DNAAF4: variants seen among roughly 807,000 people sequenced by gnomAD.
The protein encoded by DNAAF4 is dynein axonemal assembly factor 4.
DNAAF4 carries 43 observed loss-of-function variants against 51.8 expected under a neutral mutation model. The observed-to-expected ratio is 0.83, with a 90% CI of 0.65 to 1.07. The LOEUF is 1.07. Among genes scored for constraint, DNAAF4 ranks in the 50% least tolerant of loss-of-function variants. The pLI is 0.00. For missense variants in DNAAF4, 581 were observed against 493.0 expected (o/e 1.18, Z -1.69); for synonymous variants, 194 against 165.6 (o/e 1.17, Z -1.32).
chr15:55,466,722 C>G (rs2058175977), intron 5 of DNAAF4, among the ~76,000 whole-genome samples: 1 of 152,152 alleles, frequency 6.6e-6, no homozygotes, highest in African/African-American at 2.4e-5. Context: ...CTTTTCGAAT[C>G]CTTGAACGAA....
intron 5 of DNAAF4, among the ~76,000 whole-genome samples, chr15:55,455,387 AATAT>A (rs10688653): frequency 0.26 from 33,253 of 127,294 alleles, 4,946 homozygotes; most frequent in Non-Finnish European, 0.34. Flanking sequence ...TAGCAAATTG[AATAT>A]ATATATATAT....
chr15:55,473,899 G>A (rs1017458287), intron 4 of DNAAF4, among the ~76,000 whole-genome samples: 1 of 152,050 alleles, frequency 6.6e-6, no homozygotes, highest in Non-Finnish European at 1.5e-5. Flanking sequence ...AGCTGAGGCA[G>A]GAGAATCTCT....
intron 8 of DNAAF4, among the ~76,000 whole-genome samples, chr15:55,433,986 A>ATTATATG (rs1567000754): frequency 1.8e-5 from 1 of 55,032 alleles, no homozygotes; most frequent in African/African-American, 6.3e-5. Context: ...TATTATATAT[A>ATTATATG]ATATATATAA....
chr15:55,482,616 T>C (rs1595941670), intron 4 of DNAAF4, among the ~76,000 whole-genome samples: 1 of 150,710 alleles, frequency 6.6e-6, no homozygotes. Context: ...GAAGGAGAGG[T>C]TGCAGTGAGC....
At position 55,491,322 on chromosome 15, in the gene DNAAF4, C is replaced by T. The variant is rs138463395; in HGVS notation, c.272-66G>A. Reference sequence around the variant, plus strand: ...ATTTGCTTTACTTATGAGAAAACTACTTAAATAAACTGACCCAGGATGAGA... The same window carrying T: ...ATTTGCTTTACTTATGAGAAAACTATTTAAATAAACTGACCCAGGATGAGA... On this transcript the variant is annotated intron_variant, in intron 3 of 9. Coordinates refer to ENST00000321149, the MANE Select transcript of DNAAF4 (RefSeq NM_130810.4). 1,320 of 1,472,752 alleles carry T rather than the reference C, an allele frequency of 9.0e-4. 14 individuals are homozygous for T. The African/African-American group carries it at 0.017, about 19-fold the overall frequency. 91.2% of individuals were successfully genotyped at this position (1,472,752 alleles called of 1,614,324 possible).
rs111877169 is a variant in DNAAF4 at position 55,452,275 on chromosome 15, A to G, written c.638-1908T>C. ...AAAAAAAAAAAAAAAAAAAAGGAAA[A>G]GGAAAAAAAGAAGGAAAATAGAATA... is the stretch of plus-strand genomic sequence containing the variant. On this transcript the variant is annotated intron_variant, in intron 5 of 9. Coordinates refer to ENST00000321149, the MANE Select transcript of DNAAF4 (RefSeq NM_130810.4). Among the ~76,000 whole-genome samples the G allele has an allele frequency of 6.8e-3, 1,006 of 148,534 alleles. 12 individuals carry two copies. The highest frequency in any genetic ancestry group is 0.024 in the African/African-American group (972 of 40,382).
At chr15:55,454,821 C>G (rs959325767) in intron 5 of DNAAF4, among the ~76,000 whole-genome samples, 1 of 151,566 alleles carries the variant, frequency 6.6e-6, no homozygotes, top group Non-Finnish European at 1.5e-5. Flanking sequence ...ACTAATGAAC[C>G]CATAATATAC....
chr15:55,423,140 G>T (rs1328833172), intron 7 of DNAAF4, among the ~76,000 whole-genome samples: 1 of 150,770 alleles, frequency 6.6e-6, no homozygotes, highest in Non-Finnish European at 1.5e-5. Context: ...ACAGATAAAT[G>T]GGGCAATAGC....
intron 4 of DNAAF4, among the ~76,000 whole-genome samples, chr15:55,478,983 C>A (rs2058372491): frequency 6.6e-6 from 1 of 152,014 alleles, no homozygotes; most frequent in African/African-American, 2.4e-5. Flanking sequence ...CAGACTGCAT[C>A]ATTTAGAAAA....
intron 5 of DNAAF4, among the ~76,000 whole-genome samples, chr15:55,463,172 TCACA>T (rs3221985): frequency 0.031 from 4,410 of 140,346 alleles, 91 homozygotes; most frequent in Middle Eastern, 0.06. Context: ...AGACTCTGTC[TCACA>T]CACACACACA....
chr15:55,499,333 G>A (rs964325335), intron 1 of DNAAF4, among the ~76,000 whole-genome samples: 1 of 152,168 alleles, frequency 6.6e-6, no homozygotes, highest in Non-Finnish European at 1.5e-5. Flanking sequence ...ACCAATCAGG[G>A]CTCAGCTGTA....
chr15:55,454,252 G>T (rs1160929156), intron 5 of DNAAF4, among the ~76,000 whole-genome samples: 1 of 151,774 alleles, frequency 6.6e-6, no homozygotes, highest in Non-Finnish European at 1.5e-5. Flanking sequence ...AGTGAGCTGA[G>T]ATCGTGCCAC....
At chr15:55,491,011 T>A in intron 4 of DNAAF4, 112 bp downstream of exon 4, 1 of 1,317,882 alleles carries the variant, frequency 7.6e-7, no homozygotes, top group Non-Finnish European at 1.1e-6. Flanking sequence ...TAGTAAGTCC[T>A]CTAAACAAAG....
intron 6 of DNAAF4, among the ~76,000 whole-genome samples, chr15:55,440,883 A>G (rs1376082934): frequency 2.0e-5 from 3 of 147,474 alleles, no homozygotes; most frequent in Admixed American, 6.8e-5. Flanking sequence ...GGGTTTCACC[A>G]TATGGGCCAG....
At chr15:55,487,409 C>A (rs1238021137) in intron 4 of DNAAF4, among the ~76,000 whole-genome samples, 1 of 152,084 alleles carries the variant, frequency 6.6e-6, no homozygotes, top group Non-Finnish European at 1.5e-5. Context: ...AATCAGCACT[C>A]TGTAAAATGG....
chr15:55,505,687 G>A (rs1246377004), intron 1 of DNAAF4, among the ~76,000 whole-genome samples: 2 of 151,608 alleles, frequency 1.3e-5, no homozygotes, highest in Admixed American at 6.6e-5. Flanking sequence ...AACACCACGT[G>A]TTCTCACTCG....
chr15:55,498,378 G>C lies in DNAAF4; in HGVS notation c.-49C>G. The C allele has an allele frequency of 6.3e-7, 1 of 1,578,394 alleles. No individual in the cohort carries two copies. The highest frequency in any genetic ancestry group is 1.1e-5 in the South Asian group (1 of 88,296). On this transcript the variant is annotated 5_prime_UTR_variant, in exon 2 of 10. Transcript: ENST00000321149. The stretch of plus-strand genomic sequence containing the variant: ...GCGCGGCTGGTTGCTTCTTGCGCCT[G>C]CTTGGTTGCTAGGGAAGCTGGGGTT...
chr15:55,457,724 C>A (rs1485561060), intron 5 of DNAAF4, among the ~76,000 whole-genome samples: 5 of 152,162 alleles, frequency 3.3e-5, no homozygotes, highest in African/African-American at 1.2e-4. Context: ...GTCCACGTGA[C>A]AACTTCACTG....
Position 55,470,050 on chromosome 15 carries a change from AC to A in DNAAF4, c.406-2890del, listed in dbSNP as rs149191317. On this transcript the variant is annotated intron_variant, in intron 4 of 9. Transcript: ENST00000321149. Reference sequence around the variant, plus strand: ...TCAGATAAATACCTCGCTTATATTTACCCCTTTTTTTTTTTTTCTGAGACGG... The same window carrying A: ...TCAGATAAATACCTCGCTTATATTTACCCTTTTTTTTTTTTTCTGAGACGG... Among the ~76,000 whole-genome samples, 293 of 131,224 alleles carry A rather than the reference AC, an allele frequency of 2.2e-3. 3 individuals carry two copies. Among genetic ancestry groups the A allele is most frequent in the East Asian group, 0.013 (57 of 4,486 alleles). 86.1% of individuals were successfully genotyped at this position (131,224 alleles called of 152,430 possible).
Sources: allele counts gnomAD v4.1 joint callset (sites outside exome capture counted in the v4.1 genomes callset), GRCh38; gene constraint gnomAD v4.1.1; transcripts MANE v1.5; gene names NCBI Gene and HGNC (gene_info 2026-07-23, HGNC 2026-07-21).